The following USP53 variants were observed in gnomAD, a reference collection of about 807,000 sequenced individuals.
USP53 encodes ubiquitin specific peptidase 53, also known as ubiquitin carboxyl-terminal hydrolase 53.
In USP53, 71 loss-of-function variants were observed where a neutral mutation model predicts 94.9. The ratio of observed to expected loss-of-function variants is 0.75; its 90% confidence interval spans 0.62 to 0.91. The LOEUF (loss-of-function observed/expected upper bound fraction) is 0.91. Among genes scored for constraint, USP53 ranks in the 40% least tolerant of loss-of-function variants. The pLI, the probability that USP53 is intolerant of heterozygous loss-of-function variation, is 0.00. For synonymous variants in USP53, 375 were observed against 422.7 expected, an observed-to-expected ratio of 0.89 and a Z score of 1.39; for missense variants, 1,173 against 1,281.0, an observed-to-expected ratio of 0.92 and a Z score of 1.29.
At chr4:119,244,594 T>C (rs1486995203) in intron 5 of USP53, among the ~76,000 whole-genome samples, 1 of 152,178 alleles carries the variant, frequency 6.6e-6, no homozygotes, top group Non-Finnish European at 1.5e-5. Context: ...TTACAAGAAC[T>C]CTATGAGACA....
intron 3 of USP53, among the ~76,000 whole-genome samples, chr4:119,226,072 AATC>A (rs1243191283): frequency 6.6e-5 from 10 of 152,206 alleles, no homozygotes; most frequent in South Asian, 2.1e-4. Flanking sequence ...AGAATCATAT[AATC>A]ATCTCAGTAT....
intron 17 of USP53, among the ~76,000 whole-genome samples, chr4:119,289,007 C>A (rs1408593551): frequency 4.6e-5 from 7 of 150,704 alleles, no homozygotes; most frequent in Admixed American, 1.3e-4. Context: ...TGATACATTT[C>A]ACTAATATCT....
intron 1 of USP53, among the ~76,000 whole-genome samples, 197 bp from the exon 2 acceptor site, chr4:119,213,873 A>C (rs1224116029): frequency 7.3e-6 from 1 of 136,400 alleles, no homozygotes; most frequent in Non-Finnish European, 1.5e-5. Context: ...CCGTCTCCAA[A>C]AAACAAACAA....
chr4:119,283,023 A>G (rs1753683782), intron 17 of USP53, among the ~76,000 whole-genome samples: 2 of 151,990 alleles, frequency 1.3e-5, no homozygotes, highest in South Asian at 4.1e-4. Context: ...TGCCACCGTT[A>G]TTTCTTTTTT....
chr4:119,261,684 T>G (rs1750535901), intron 11 of USP53, 31 bp from the exon 12 acceptor site: 1 of 1,521,428 alleles, frequency 6.6e-7, no homozygotes, highest in Non-Finnish European at 9.0e-7. Context: ...AGATGTAGTG[T>G]TAAGTGTACA....
In USP53 at chr4:119,287,165, G is replaced by A. The variant is rs975442249; in HGVS notation, c.2252-4000G>A. On this transcript the variant is annotated intron_variant, in intron 17 of 18. Transcript: ENST00000692078. ...TTATTCTGCAGACCTTCATTTGAAT[G>A]TCTTTTGTATGCTAGATACTGTGTT... is the stretch of plus-strand genomic sequence containing the variant. 7.9e-5 allele frequency among the ~76,000 whole-genome samples: 12 copies of A among 152,022 alleles called. No individual in the cohort carries two copies. The South Asian group carries it at 2.5e-3, about 32-fold the overall frequency.
At chr4:119,213,660 ATGTGTG>A (rs1553962017) in intron 1 of USP53, among the ~76,000 whole-genome samples, 3 of 117,776 alleles carry the variant, frequency 2.5e-5, no homozygotes, top group African/African-American at 1.1e-4. Context: ...ATATATATAT[ATGTGTG>A]TGTGTGTATG....
At chr4:119,269,577 C>T (rs967955375) in intron 14 of USP53, 114 bp from the exon 15 acceptor site, 3 of 660,366 alleles carry the variant, frequency 4.5e-6, no homozygotes, top group East Asian at 3.8e-5. Flanking sequence ...TATATATCTA[C>T]ATATCTATGC....
intron 3 of USP53, among the ~76,000 whole-genome samples, chr4:119,228,487 C>T (rs1250203356): frequency 6.6e-6 from 1 of 152,128 alleles, no homozygotes; most frequent in Non-Finnish European, 1.5e-5. Flanking sequence ...CGCCATATAA[C>T]ATAATGAGAT....
At chr4:119,261,350 A>G (rs1578504070) in intron 11 of USP53, among the ~76,000 whole-genome samples, 1 of 152,304 alleles carries the variant, frequency 6.6e-6, no homozygotes, top group East Asian at 1.9e-4. Flanking sequence ...CTTTTAGATA[A>G]TATGTTTAAT....
At chr4:119,288,461 G>T (rs979167483) in intron 17 of USP53, among the ~76,000 whole-genome samples, 1 of 152,176 alleles carries the variant, frequency 6.6e-6, no homozygotes, top group Non-Finnish European at 1.5e-5. Flanking sequence ...CCTAAAAATT[G>T]TGGATATTAT....
chr4:119,250,222 T>G (rs1262167968), intron 7 of USP53, among the ~76,000 whole-genome samples: 1 of 152,288 alleles, frequency 6.6e-6, no homozygotes, highest in African/African-American at 2.4e-5. Flanking sequence ...TAGCAGCCTT[T>G]GCTCAAGTTC....
chr4:119,267,539 A>T, intron 13 of USP53, 57 bp downstream of exon 13: 3 of 1,492,492 alleles, frequency 2.0e-6, no homozygotes, highest in Non-Finnish European at 2.7e-6. Context: ...TCAACTAGGA[A>T]TACTAGTACT....
At position 119,295,020 on chromosome 4, in the gene USP53, T is replaced by C. The variant is rs1755124884; in HGVS notation, c.*1809T>C. 1 of 152,126 alleles carries C rather than the reference T, an allele frequency of 6.6e-6. No homozygotes were observed. Among genetic ancestry groups the C allele is most frequent in the Non-Finnish European group, 1.5e-5 (1 of 67,976 alleles). The allele number at this position is 152,126 out of a possible 1,614,324, so 9.4% of individuals were successfully genotyped here. ...GAAAAATGGGCTTCAAGTTTTTTAA[T>C]AGCTTTCACAGTTTGTGTAGTTTTT... is the stretch of plus-strand genomic sequence containing the variant. On this transcript the variant is annotated 3_prime_UTR_variant, in exon 19 of 19. Transcript: ENST00000692078.
chr4:119,234,138 C>T (rs908881362), intron 3 of USP53, among the ~76,000 whole-genome samples: 7 of 152,164 alleles, frequency 4.6e-5, no homozygotes, highest in African/African-American at 1.7e-4. Flanking sequence ...ATCTCCTGTA[C>T]TCTTCAGATG....
chr4:119,263,203 G>A (rs977454581), intron 12 of USP53, among the ~76,000 whole-genome samples: 1 of 152,188 alleles, frequency 6.6e-6, no homozygotes, highest in African/African-American at 2.4e-5. Flanking sequence ...CCATTTCACT[G>A]TTTAAAACTA....
intron 17 of USP53, among the ~76,000 whole-genome samples, chr4:119,274,636 G>C (rs1180878124): frequency 1.1e-4 from 16 of 148,454 alleles, no homozygotes; most frequent in Non-Finnish European, 1.6e-4. Flanking sequence ...TGGGTCAAAT[G>C]GTATTTCTAG....
At position 119,269,640 on chromosome 4, in the gene USP53, G is replaced by A. The variant is rs555731439; in HGVS notation, c.1289-51G>A. On this transcript the variant is annotated intron_variant, in intron 14 of 18. Transcript: ENST00000692078. ...ATATAGATCAATTTTTATTTTTATT[G>A]GGCAATTTGAAAAATGATCTGTATC... 6 of 1,231,448 alleles carry A rather than the reference G, an allele frequency of 4.9e-6. No individual in the cohort carries two copies. The Admixed American group carries it at 1.5e-4, about 32-fold the overall frequency. The allele number at this position is 1,231,448 out of a possible 1,614,324, so 76.3% of individuals were successfully genotyped here.
intron 3 of USP53, among the ~76,000 whole-genome samples, chr4:119,232,860 C>G (rs1746248578): frequency 6.6e-6 from 1 of 151,984 alleles, no homozygotes; most frequent in Non-Finnish European, 1.5e-5. Flanking sequence ...TTCATTTTCC[C>G]TTTGGCCTGC....
Sources: allele counts gnomAD v4.1 joint callset (sites outside exome capture counted in the v4.1 genomes callset), GRCh38; gene constraint gnomAD v4.1.1; transcripts MANE v1.5; gene names NCBI Gene and HGNC (gene_info 2026-07-23, HGNC 2026-07-21).